RANBP1: variants seen among roughly 807,000 people sequenced by gnomAD.
RANBP1 encodes RAN binding protein 1.
Under a neutral mutation model 31.4 loss-of-function variants are expected in RANBP1, and 16 were observed. The ratio of observed to expected loss-of-function variants is 0.51; its 90% CI spans 0.34 to 0.77. The LOEUF is 0.77. Ranked by LOEUF, RANBP1 falls within the 30% of genes least tolerant of loss-of-function variation. RANBP1 has a pLI of 0.01. For missense variants in RANBP1, 265 were observed against 362.0 expected, an observed-to-expected ratio of 0.73 and a Z score of 2.17; for synonymous variants, 129 against 140.5, an observed-to-expected ratio of 0.92 and a Z score of 0.58.
chr22:20,126,521 A>C, intron 5 of RANBP1, 153 bp downstream of exon 5: 2 of 1,585,214 alleles, frequency 1.3e-6, no homozygotes, highest in Non-Finnish European at 8.6e-7. Context: ...CCCTGGGGAC[A>C]CAGGTGCTTC....
rs2050011064 is a variant in RANBP1 at position 20,116,175 on chromosome 22, C to A, written c.-10C>A. On this transcript the variant is annotated 5_prime_UTR_variant, in exon 1 of 6. Transcript: ENST00000430524. ...GCTCACTCTCACCCTCCTGTCGCCT[C>A]CTCCTGGCCATGGGGTCGGCCTTGG... is the stretch of plus-strand genomic sequence containing the variant. 6.2e-7 allele frequency: 1 copy of A among 1,613,012 alleles called. No individual in the cohort carries two copies. The highest frequency in any genetic ancestry group is 1.7e-5 in the Admixed American group (1 of 60,008).
chr22:20,127,156 G>A lies in RANBP1; in HGVS notation c.*104G>A, dbSNP rs988317979. On this transcript the variant is annotated 3_prime_UTR_variant, in exon 6 of 6. Transcript: ENST00000430524. ...TGTTTTTATTCTTTCATTTTTACAA[G>A]GGACGTTATATAAAGAACTGAACTC... 1.8e-5 allele frequency: 17 copies of A among 951,316 alleles called. No homozygotes were observed. Among genetic ancestry groups the A allele is most frequent in the Non-Finnish European group, 2.4e-5 (16 of 662,288 alleles). The allele number at this position is 951,316 out of a possible 1,614,324, so 58.9% of individuals were successfully genotyped here. A position where few individuals can be genotyped will look rare whatever the true frequency, so the allele number is the denominator to read the frequency against.
At chr22:20,118,576 A>G (rs2147974682) in intron 1 of RANBP1, among the ~76,000 whole-genome samples, 1 of 152,376 alleles carries the variant, frequency 6.6e-6, no homozygotes, top group Admixed American at 6.5e-5. Context: ...TTTGCTTTAA[A>G]GTAATATTTC....
At chr22:20,122,128 C>T (rs2050185115) in intron 2 of RANBP1, 136 bp from the exon 3 acceptor site, 1 of 924,172 alleles carries the variant, frequency 1.1e-6, no homozygotes, top group South Asian at 1.7e-5. Context: ...ACGGGCAGTT[C>T]TTGGAGCCTG....
rs2050271451 is a variant in RANBP1, at chr22:20,125,309, C to T, written c.543C>T (p.Ile181=). 6.2e-7 allele frequency: 1 copy of T among 1,611,558 alleles called. No homozygotes were observed. The highest frequency in any genetic ancestry group is 1.1e-5 in the South Asian group (1 of 90,972). The change falls in exon 4 of 6, where the codon ATC becomes ATT. Residue 181 remains isoleucine, a splice_region_variant and synonymous_variant. Transcript: ENST00000430524. ...KTLKICANHY[I]TPMMELKPNA... is the part of the protein sequence containing the mutation. ...CTTCACGAGCTTCTCTCTCTTCAGT[C>T]ACGCCGATGATGGAGCTGAAGCCCA...
chr22:20,117,774 C>G (rs2147971783), intron 1 of RANBP1: 1 of 1,059,684 alleles, frequency 9.4e-7, no homozygotes, highest in South Asian at 4.5e-5. Flanking sequence ...GGCCTGCAGG[C>G]TCGGCCGTCT....
At chr22:20,116,832 GCCTCCTCCC>G in intron 1 of RANBP1, 2 of 549,946 alleles carry the variant, frequency 3.6e-6, no homozygotes, top group East Asian at 5.1e-5. Context: ...GACCCACCCC[GCCTCCTCCC>G]ACCCCATCCC....
intron 3 of RANBP1, chr22:20,124,125 C>T (rs1395505122): frequency 6.5e-6 from 1 of 152,696 alleles, no homozygotes; most frequent in Non-Finnish European, 1.5e-5. Flanking sequence ...TCTGGCTGGT[C>T]CTCCTCCTCG....
intron 1 of RANBP1, chr22:20,116,922 C>T (rs887535053): frequency 1.1e-5 from 17 of 1,590,626 alleles, no homozygotes; most frequent in Admixed American, 1.7e-5. Flanking sequence ...AGGCGGTTCT[C>T]CGCCTAGACC....
rs1294380213 is a variant in RANBP1 at position 20,125,594 on chromosome 22, G to T, written c.670+158G>T. 6.6e-6 allele frequency: 10 copies of T among 1,520,800 alleles called. No individual in the cohort carries two copies. The South Asian group carries it at 9.7e-5, about 15-fold the overall frequency. The allele number at this position is 1,520,800 out of a possible 1,614,324, so 94.2% of individuals were successfully genotyped here. On this transcript the variant is annotated intron_variant, in intron 4 of 5. Transcript: ENST00000430524. ...CCCTGCCCTGCTGTTTGGGGGCCAT[G>T]CCCAGACTGAAGCCATGAGCAGCGC...
intron 4 of RANBP1, 187 bp downstream of exon 4, chr22:20,125,623 C>T (rs2050279655): frequency 1.3e-6 from 2 of 1,486,604 alleles, no homozygotes; most frequent in Non-Finnish European, 1.8e-6. Flanking sequence ...GCAGCGCCTT[C>T]CCCCTTAAAC....
intron 2 of RANBP1, among the ~76,000 whole-genome samples, chr22:20,121,559 T>TG (rs2050172038): frequency 6.6e-6 from 1 of 151,874 alleles, no homozygotes; most frequent in African/African-American, 2.4e-5. Context: ...TGTTTTGTTT[T>TG]TTTTTAAAAT....
At position 20,125,091 on chromosome 22, in the gene RANBP1, C is replaced by T. The variant is rs1194496397; in HGVS notation, c.542-217C>T. ...GGTGCCCATTCCTATTTAGGATGGT[C>T]CTGGTTTTAAGTGAATATGGAGGAT... On this transcript the variant is annotated intron_variant, in intron 3 of 5. Transcript: ENST00000430524. The T allele has an allele frequency of 1.1e-5, 6 of 562,692 alleles. No homozygotes were observed. In the Admixed American group the frequency reaches 1.9e-4, roughly 18 times the overall value. 34.9% of individuals were successfully genotyped at this position (562,692 alleles called of 1,614,324 possible).
At chr22:20,124,969 G>C (rs954047771) in intron 3 of RANBP1, 18 of 329,028 alleles carry the variant, frequency 5.5e-5, no homozygotes, top group African/African-American at 2.7e-4. Flanking sequence ...TGCCAGCTCT[G>C]CTTCTCTGCA....
At chr22:20,118,110 C>T (rs2050086708) in intron 1 of RANBP1, 2 of 1,000,352 alleles carry the variant, frequency 2.0e-6, no homozygotes, top group African/African-American at 1.7e-5. Context: ...GGCAGAAGCT[C>T]GCGTTCCAGC....
rs184194307 is a variant in RANBP1, at chr22:20,126,843, C to T, written c.737-109C>T. On this transcript the variant is annotated intron_variant, in intron 5 of 5. Transcript: ENST00000430524. ...GCCAGGCAGGAGTCTGTCCCGAGGG[C>T]GGGCAAGCCGCTGTGGGTGGGTGAC... is the stretch of plus-strand genomic sequence containing the variant. The T allele has an allele frequency of 1.3e-3, 1,917 of 1,423,438 alleles. 18 individuals carry two copies. In the East Asian group the frequency reaches 0.022, roughly 17 times the overall value. 88.2% of individuals were successfully genotyped at this position (1,423,438 alleles called of 1,614,324 possible).
intron 1 of RANBP1, chr22:20,117,681 GC>G: frequency 8.5e-7 from 1 of 1,181,358 alleles, no homozygotes; most frequent in Non-Finnish European, 1.0e-6. Context: ...CCGGGCCCAA[GC>G]GGGGACAGGG....
At chr22:20,117,059 C>T (rs2050049228) in intron 1 of RANBP1, 1 of 999,362 alleles carries the variant, frequency 1.0e-6, no homozygotes, top group South Asian at 1.6e-5. Flanking sequence ...AGGTCGCCGC[C>T]ACCCCCGGCT....
rs776598352 is a variant in RANBP1, at chr22:20,126,951, G to A, written c.737-1G>A. On this transcript the variant is annotated splice_acceptor_variant, in intron 5 of 5. Coordinates refer to ENST00000430524, the MANE Select transcript of RANBP1 (RefSeq NM_001278639.2). LOFTEE classifies it high-confidence loss of function. ...TCTCACTGTGCTGCTTGTGTTTTTA[G>A]CAGGATCAGGCAAAAATGATCATGC... 1 of 1,612,708 alleles carries A rather than the reference G, an allele frequency of 6.2e-7. No individual in the cohort carries two copies. Among genetic ancestry groups the A allele is most frequent in the African/African-American group, 1.3e-5 (1 of 74,912 alleles).
Sources: gnomAD v4.1 joint callset for allele counts (sites outside exome capture counted in the v4.1 genomes callset) on GRCh38, gnomAD v4.1.1 for gene constraint, MANE v1.5 for transcripts, NCBI Gene and HGNC (gene_info 2026-07-23, HGNC 2026-07-21) for gene names.